The following RXFP1 variants were observed in gnomAD, a reference collection of about 807,000 sequenced individuals.
The protein encoded by RXFP1 is relaxin family peptide receptor 1, also known as relaxin receptor 1.
In RXFP1, 73 loss-of-function variants were observed where a neutral mutation model predicts 89.8. That is an observed-to-expected ratio of 0.81 (90% CI 0.67 to 0.99). The LOEUF (loss-of-function observed/expected upper bound fraction) is 0.99, where lower values mean the gene tolerates loss of function less well. Ranked by LOEUF, RXFP1 falls within the 50% of genes least tolerant of loss-of-function variation. The pLI is 0.00. For missense variants in RXFP1, 793 were observed against 895.5 expected (o/e 0.89, Z 1.46); for synonymous variants, 277 against 305.5 (o/e 0.91, Z 0.97).
At chr4:158,541,731 T>C (rs1040432720) in intron 1 of RXFP1, among the ~76,000 whole-genome samples, 4 of 152,080 alleles carry the variant, frequency 2.6e-5, no homozygotes, top group Admixed American at 2.6e-4. Flanking sequence ...ACTGACGACA[T>C]TATGACCCTT....
At chr4:158,643,412 T>C (rs1033546779) in intron 14 of RXFP1, among the ~76,000 whole-genome samples, 1 of 151,868 alleles carries the variant, frequency 6.6e-6, no homozygotes, top group African/African-American at 2.4e-5. Flanking sequence ...CTCTTTGATA[T>C]GATTTTCTTT....
intron 1 of RXFP1, among the ~76,000 whole-genome samples, chr4:158,533,641 T>G (rs1744590681): frequency 6.6e-6 from 1 of 152,164 alleles, no homozygotes; most frequent in South Asian, 2.1e-4. Flanking sequence ...CTTCATTTGG[T>G]CGTTTATTTT....
chr4:158,542,079 C>CTATGTATATATATATA (rs1746810990), intron 1 of RXFP1, among the ~76,000 whole-genome samples: 4 of 29,826 alleles, frequency 1.3e-4, no homozygotes, highest in Non-Finnish European at 1.4e-4. Flanking sequence ...GCCACCATGG[C>CTATGTATATATATATA]TATATATATA....
intron 16 of RXFP1, 90 bp downstream of exon 16, chr4:158,647,291 G>C: frequency 9.6e-7 from 1 of 1,041,098 alleles, no homozygotes; most frequent in Non-Finnish European, 1.4e-6. Flanking sequence ...AATTCTATCA[G>C]AATCCCCAGC....
At chr4:158,523,395 A>C (rs1020600382) in intron 1 of RXFP1, among the ~76,000 whole-genome samples, 1 of 152,192 alleles carries the variant, frequency 6.6e-6, no homozygotes, top group African/African-American at 2.4e-5. Context: ...GTTGGGAAGC[A>C]ACTTTGGCCA....
At chr4:158,580,284 T>C (rs1473593789) in intron 2 of RXFP1, among the ~76,000 whole-genome samples, 2 of 152,146 alleles carry the variant, frequency 1.3e-5, no homozygotes, top group African/African-American at 4.8e-5. Context: ...GATTGGTTAG[T>C]TTGCATATCA....
intron 9 of RXFP1, among the ~76,000 whole-genome samples, chr4:158,625,497 A>C (rs1462821902): frequency 6.6e-6 from 1 of 152,118 alleles, no homozygotes; most frequent in Non-Finnish European, 1.5e-5. Flanking sequence ...GCAACATAGA[A>C]AACCCCTGAT....
intron 2 of RXFP1, among the ~76,000 whole-genome samples, chr4:158,593,137 A>G (rs1482266480): frequency 6.6e-6 from 1 of 151,692 alleles, no homozygotes; most frequent in East Asian, 1.9e-4. Flanking sequence ...TGGTTTTTTC[A>G]TAATTCACTC....
chr4:158,603,906 A>G (rs1329277999), intron 4 of RXFP1, among the ~76,000 whole-genome samples: 1 of 147,926 alleles, frequency 6.8e-6, no homozygotes, highest in Non-Finnish European at 1.5e-5. Flanking sequence ...AATAATAATA[A>G]TAATAATAAT....
In RXFP1 at chr4:158,651,646, GA is replaced by G. The variant is rs573932635; in HGVS notation, c.1976-104del. On this transcript the variant is annotated intron_variant, in intron 17 of 17. Coordinates refer to ENST00000307765, the MANE Select transcript of RXFP1 (RefSeq NM_021634.4). ...GGTATTTAATTATGTGACATCAAAG[GA>G]AAAAAATCAAAACTCAAAAAGGGGT... 47 of 766,306 alleles carry G rather than the reference GA, an allele frequency of 6.1e-5. No homozygotes were observed. In the Middle Eastern group the frequency reaches 1.6e-3, roughly 26 times the overall value. The allele number at this position is 766,306 out of a possible 1,614,324, so 47.5% of individuals were successfully genotyped here.
rs75485632 is a variant in RXFP1 at position 158,551,354 on chromosome 4, A to C, written c.50-21344A>C. Among the ~76,000 whole-genome samples the C allele has an allele frequency of 6.2e-3, 952 of 152,328 alleles. 33 individuals are homozygous for C. The highest frequency in any genetic ancestry group is 0.049 in the East Asian group (252 of 5,180). ...GGCCAAAAAATGTGAGGTTTCTTAC[A>C]CTTCTCTTTGTTGAAGGACCAAGCA... On this transcript the variant is annotated intron_variant, in intron 1 of 17. Coordinates refer to ENST00000307765, the MANE Select transcript of RXFP1 (RefSeq NM_021634.4).
rs188655232 is a variant in RXFP1 at position 158,573,077 on chromosome 4, C to T, written c.187+242C>T. ...AGTCTGGAGTGCAGTGGCGTGATCT[C>T]GGCTCACTGCAACCTCTGCCTCCTG... On this transcript the variant is annotated intron_variant, in intron 2 of 17. Coordinates refer to ENST00000307765, the MANE Select transcript of RXFP1 (RefSeq NM_021634.4). 72 of 355,734 alleles carry T rather than the reference C, an allele frequency of 2.0e-4. No individual in the cohort carries two copies. The East Asian group carries it at 4.8e-3, about 24-fold the overall frequency. The allele number at this position is 355,734 out of a possible 1,614,324, so 22.0% of individuals were successfully genotyped here.
chr4:158,629,495 T>C (rs999993510), intron 11 of RXFP1, among the ~76,000 whole-genome samples: 1 of 152,328 alleles, frequency 6.6e-6, no homozygotes, highest in South Asian at 2.1e-4. Context: ...AATTCTATGA[T>C]GAACCAAAGC....
chr4:158,558,590 G>T (rs989999886), intron 1 of RXFP1, among the ~76,000 whole-genome samples: 6 of 152,100 alleles, frequency 3.9e-5, no homozygotes, highest in Non-Finnish European at 8.8e-5. Context: ...AGCCACAAAA[G>T]ATATATAGTC....
intron 2 of RXFP1, among the ~76,000 whole-genome samples, chr4:158,584,798 AT>A (rs535366830): frequency 2.0e-5 from 3 of 152,270 alleles, no homozygotes; most frequent in East Asian, 1.9e-4. Context: ...AGGAATCTGC[AT>A]TTTTTTAACA....
rs758882138 is a variant in RXFP1 at position 158,612,371 on chromosome 4, T to C, written c.680+9T>C. ...AATTCTCTTATTCTCTTGTAAGTAC[T>C]AAACTAAAGCAAATATTTCAATCAA... On this transcript the variant is annotated intron_variant, in intron 8 of 17. Transcript: ENST00000307765. 1.3e-6 allele frequency: 2 copies of C among 1,557,140 alleles called. No individual in the cohort carries two copies. Among genetic ancestry groups the C allele is most frequent in the African/African-American group, 1.4e-5 (1 of 73,234 alleles).
intron 12 of RXFP1, 130 bp from the exon 13 acceptor site, chr4:158,637,878 T>G (rs2150228143): frequency 3.2e-6 from 2 of 633,142 alleles, no homozygotes; most frequent in Non-Finnish European, 5.7e-6. Flanking sequence ...AGTTTAAGTC[T>G]TTCATCCATT....
chr4:158,593,102 A>G (rs201314671), intron 2 of RXFP1, among the ~76,000 whole-genome samples: 16 of 150,408 alleles, frequency 1.1e-4, no homozygotes, highest in Non-Finnish European at 2.1e-4. Flanking sequence ...AAAAAAAACA[A>G]AAACAAACAA....
chr4:158,650,002 T>G, intron 17 of RXFP1, among the ~76,000 whole-genome samples: 1 of 152,240 alleles, frequency 6.6e-6, no homozygotes, highest in East Asian at 1.9e-4. Context: ...GTCCATAGAT[T>G]GGTAAATGGA....
Sources: gnomAD v4.1 joint callset for allele counts (sites outside exome capture counted in the v4.1 genomes callset) on GRCh38, gnomAD v4.1.1 for gene constraint, MANE v1.5 for transcripts, NCBI Gene and HGNC (gene_info 2026-07-23, HGNC 2026-07-21) for gene names.